ANKS1B: variants seen among roughly 807,000 people sequenced by gnomAD.
The protein encoded by ANKS1B is ankyrin repeat and sterile alpha motif domain containing 1B.
In ANKS1B, 36 loss-of-function variants were observed where a neutral mutation model predicts 148.3. The ratio of observed to expected loss-of-function variants is 0.24; its 90% CI spans 0.19 to 0.32. ANKS1B has a LOEUF of 0.32. Ranked by LOEUF, ANKS1B falls within the 10% of genes least tolerant of loss-of-function variation. ANKS1B has a pLI of 1.00. For missense variants in ANKS1B, 1,157 were observed against 1,542.6 expected, an observed-to-expected ratio of 0.75 and a Z score of 4.19; for synonymous variants, 542 against 560.8, an observed-to-expected ratio of 0.97 and a Z score of 0.47.
chr12:99,741,372 T>C (rs1182013941), intron 8 of ANKS1B, among the ~76,000 whole-genome samples: 1 of 152,150 alleles, frequency 6.6e-6, no homozygotes, highest in Non-Finnish European at 1.5e-5. Context: ...AAATACCATT[T>C]GACCCAGCAA....
chr12:99,044,095 C>CTT (rs1353241414), intron 17 of ANKS1B, among the ~76,000 whole-genome samples: 1 of 152,176 alleles, frequency 6.6e-6, no homozygotes, highest in Non-Finnish European at 1.5e-5. Flanking sequence ...ATATGGAGTA[C>CTT]TTTTGCTTTT....
intron 8 of ANKS1B, among the ~76,000 whole-genome samples, chr12:99,701,978 A>G (rs1011167089): frequency 6.6e-6 from 1 of 152,116 alleles, no homozygotes; most frequent in Non-Finnish European, 1.5e-5. Flanking sequence ...CTTGGCTATT[A>G]TGAATAGTGC....
At chr12:99,815,972 T>C (rs146036818) in intron 2 of ANKS1B, among the ~76,000 whole-genome samples, 292 of 151,976 alleles carry the variant, frequency 1.9e-3, no homozygotes, top group African/African-American at 6.7e-3. Context: ...TTTCATATAA[T>C]GACTTCTTTT....
intron 15 of ANKS1B, among the ~76,000 whole-genome samples, chr12:99,105,782 A>C (rs1242056035): frequency 6.6e-6 from 1 of 151,824 alleles, no homozygotes; most frequent in African/African-American, 2.4e-5. Context: ...AAAAAAAAAA[A>C]AAAAAAACTA....
intron 14 of ANKS1B, among the ~76,000 whole-genome samples, chr12:99,200,906 T>C (rs533431489): frequency 6.6e-6 from 1 of 152,200 alleles, no homozygotes; most frequent in Non-Finnish European, 1.5e-5. Context: ...CATCAAAAGG[T>C]AAGAGGCACT....
chr12:99,661,546 C>G (rs1039063274), intron 8 of ANKS1B, among the ~76,000 whole-genome samples: 1 of 152,108 alleles, frequency 6.6e-6, no homozygotes, highest in African/African-American at 2.4e-5. Flanking sequence ...AACACTAACA[C>G]TATTCCTCTC....
intron 25 of ANKS1B, among the ~76,000 whole-genome samples, chr12:98,766,890 G>A (rs1166736313): frequency 6.6e-6 from 1 of 151,940 alleles, no homozygotes; most frequent in Non-Finnish European, 1.5e-5. Flanking sequence ...TCACAGCTCA[G>A]TGTCTCCTAG....
chr12:99,584,604 A>AG (rs1330384132), intron 9 of ANKS1B, among the ~76,000 whole-genome samples: 25 of 151,186 alleles, frequency 1.7e-4, no homozygotes, highest in Admixed American at 5.9e-4. Flanking sequence ...TTTGAGAGAG[A>AG]AATATATATA....
chr12:99,148,994 T>C (rs1020710589), intron 15 of ANKS1B, among the ~76,000 whole-genome samples: 23 of 151,940 alleles, frequency 1.5e-4, no homozygotes, highest in African/African-American at 5.6e-4. Flanking sequence ...CAGGTATTTT[T>C]CTCTTGTATC....
At chr12:99,256,212 T>A (rs2075246127) in intron 12 of ANKS1B, among the ~76,000 whole-genome samples, 1 of 146,410 alleles carries the variant, frequency 6.8e-6, no homozygotes, top group African/African-American at 2.6e-5. Flanking sequence ...TTCGTGTCAC[T>A]GCACTCCAGC....
intron 14 of ANKS1B, among the ~76,000 whole-genome samples, chr12:99,163,483 G>GTGTGT (rs2076889232): frequency 6.8e-6 from 1 of 147,142 alleles, no homozygotes. Context: ...GTGTGTGTGT[G>GTGTGT]TGTGTGTGTG....
intron 1 of ANKS1B, among the ~76,000 whole-genome samples, chr12:99,837,287 G>A (rs2153694324): frequency 6.6e-6 from 1 of 152,272 alleles, no homozygotes; most frequent in South Asian, 2.1e-4. Context: ...TTTTAGCCCA[G>A]TGAGAACCAC....
At chr12:99,884,164 C>A (rs1393753124) in intron 1 of ANKS1B, among the ~76,000 whole-genome samples, 1 of 151,976 alleles carries the variant, frequency 6.6e-6, no homozygotes, top group Non-Finnish European at 1.5e-5. Flanking sequence ...TGAAAAGATG[C>A]TCACTGTCAT....
At chr12:99,199,561 G>T (rs1002389566) in intron 14 of ANKS1B, among the ~76,000 whole-genome samples, 1 of 152,002 alleles carries the variant, frequency 6.6e-6, no homozygotes, top group African/African-American at 2.4e-5. Flanking sequence ...CTCCTCCCTT[G>T]TGTCTGTATT....
chr12:99,042,038 CA>C (rs367847056), intron 17 of ANKS1B, among the ~76,000 whole-genome samples: 3 of 151,536 alleles, frequency 2.0e-5, no homozygotes, highest in African/African-American at 7.3e-5. Context: ...CAAAATAAAA[CA>C]AAAAAACCCA....
chr12:99,163,497 GTGTGTGTT>G (rs1010590931), intron 14 of ANKS1B, among the ~76,000 whole-genome samples: 66 of 147,672 alleles, frequency 4.5e-4, no homozygotes, highest in South Asian at 2.9e-3. Context: ...GTGTGTGTGT[GTGTGTGTT>G]TAGTTCTGTA....
At chr12:99,637,845 G>GA (rs1567534590) in intron 9 of ANKS1B, among the ~76,000 whole-genome samples, 15 of 145,976 alleles carry the variant, frequency 1.0e-4, no homozygotes, top group African/African-American at 3.5e-4. Context: ...ACACATACAC[G>GA]GAGAGAGAGA....
At chr12:99,795,709 A>G (rs924209016) in intron 4 of ANKS1B, among the ~76,000 whole-genome samples, 12 of 151,994 alleles carry the variant, frequency 7.9e-5, no homozygotes, top group African/African-American at 2.4e-4. Flanking sequence ...TACACAGGGA[A>G]TATATTCCAA....
At position 98,751,283 on chromosome 12, in the gene ANKS1B, C is replaced by A; in HGVS notation, c.3747+72G>T. On this transcript the variant is annotated intron_variant, in intron 26 of 26. Coordinates refer to ENST00000683438, the MANE Select transcript of ANKS1B (RefSeq NM_001352186.2). The surrounding 1 kb of genome is among the most constrained non-coding windows in gnomAD (Gnocchi z 4.3). ...GGGTTCTAATGGCACCCACACCACACAAGGGCCTGGTTAGCAGCCCCTTTT... is the reference window on the plus strand; with the variant it reads ...GGGTTCTAATGGCACCCACACCACAAAAGGGCCTGGTTAGCAGCCCCTTTT... The A allele has an allele frequency of 6.7e-7, 1 of 1,496,484 alleles. No homozygotes were observed. The highest frequency in any genetic ancestry group is 1.3e-5 in the South Asian group (1 of 79,100). 92.7% of individuals were successfully genotyped at this position (1,496,484 alleles called of 1,614,324 possible). A position where few individuals can be genotyped will look rare whatever the true frequency, so the allele number is the denominator to read the frequency against.
Sources: gnomAD v4.1 joint callset for allele counts (sites outside exome capture counted in the v4.1 genomes callset) on GRCh38, gnomAD v4.1.1 for gene constraint, Gnocchi (gnomAD v3.1) non-coding constraint, MANE v1.5 for transcripts, NCBI Gene and HGNC (gene_info 2026-07-23, HGNC 2026-07-21) for gene names.